The following KIAA1217 variants were observed in gnomAD, a reference collection of about 807,000 sequenced individuals.
KIAA1217 encodes the protein sickle tail protein homolog.
Under a neutral mutation model 163.9 loss-of-function variants are expected in KIAA1217, and 88 were observed. The observed-to-expected ratio is 0.54, with a 90% CI of 0.45 to 0.64. The LOEUF (loss-of-function observed/expected upper bound fraction) is 0.64, where lower values mean the gene tolerates loss of function less well. Among genes scored for constraint, KIAA1217 ranks in the 30% least tolerant of loss-of-function variants. The pLI, the probability that KIAA1217 is intolerant of heterozygous loss-of-function variation, is 0.00. For missense variants in KIAA1217, 2,372 were observed against 2,475.0 expected (o/e 0.96, Z 0.88); for synonymous variants, 903 against 923.1 (o/e 0.98, Z 0.39).
At chr10:24,281,549 G>C (rs903591266) in intron 2 of KIAA1217, among the ~76,000 whole-genome samples, 1 of 152,134 alleles carries the variant, frequency 6.6e-6, no homozygotes, top group Non-Finnish European at 1.5e-5. Context: ...GGTAAGATCT[G>C]TTCCTTAGGC....
intron 1 of KIAA1217, among the ~76,000 whole-genome samples, chr10:23,851,123 A>G (rs1206949081): frequency 6.6e-6 from 1 of 152,106 alleles, no homozygotes; most frequent in Non-Finnish European, 1.5e-5. Flanking sequence ...TTGACTCGTC[A>G]TTTAGCATTA....
At chr10:23,814,117 A>G (rs758597787) in intron 1 of KIAA1217, among the ~76,000 whole-genome samples, 2 of 152,156 alleles carry the variant, frequency 1.3e-5, no homozygotes, top group African/African-American at 2.4e-5. Context: ...GGAGCCCCCA[A>G]AAAATTATCT....
At chr10:24,191,550 C>T (rs2066718531) in intron 2 of KIAA1217, among the ~76,000 whole-genome samples, 1 of 148,142 alleles carries the variant, frequency 6.8e-6, no homozygotes, top group Admixed American at 6.7e-5. Context: ...CATGTACCCA[C>T]AAATATATAT....
At chr10:24,366,217 G>A (rs893292362) in intron 2 of KIAA1217, among the ~76,000 whole-genome samples, 1 of 152,154 alleles carries the variant, frequency 6.6e-6, no homozygotes, top group Non-Finnish European at 1.5e-5. Flanking sequence ...GGCCGAAGCA[G>A]GCAGATCACT....
At chr10:24,183,124 CAT>C (rs1263314772) in intron 2 of KIAA1217, among the ~76,000 whole-genome samples, 2 of 152,236 alleles carry the variant, frequency 1.3e-5, no homozygotes, top group African/African-American at 4.8e-5. Context: ...TCTTTTCACA[CAT>C]GTCTGCTTCA....
chr10:23,811,203 T>C (rs1421294707), intron 1 of KIAA1217, among the ~76,000 whole-genome samples: 1 of 142,532 alleles, frequency 7.0e-6, no homozygotes, highest in Admixed American at 7.3e-5. Context: ...ATACTATGTA[T>C]ATAGTATAAT....
At chr10:23,853,510 A>G (rs981890578) in intron 1 of KIAA1217, among the ~76,000 whole-genome samples, 6 of 152,184 alleles carry the variant, frequency 3.9e-5, no homozygotes, top group African/African-American at 1.2e-4. Flanking sequence ...CTTTGGTATC[A>G]GGATGATGCT....
At chr10:23,938,693 G>A (rs1322626466) in intron 1 of KIAA1217, among the ~76,000 whole-genome samples, 1 of 151,966 alleles carries the variant, frequency 6.6e-6, no homozygotes, top group Admixed American at 6.6e-5. Flanking sequence ...ATGTGCCTCG[G>A]TTATGTGCAA....
intron 1 of KIAA1217, among the ~76,000 whole-genome samples, chr10:23,932,943 T>C (rs1843317523): frequency 6.6e-6 from 1 of 152,240 alleles, no homozygotes; most frequent in African/African-American, 2.4e-5. Context: ...CCCTTGTTTT[T>C]AGGTTGTTGC....
intron 1 of KIAA1217, among the ~76,000 whole-genome samples, chr10:23,900,130 T>C (rs1841893826): frequency 6.6e-6 from 1 of 151,842 alleles, no homozygotes; most frequent in African/African-American, 2.4e-5. Flanking sequence ...CTCAGCCTCC[T>C]GAGTAGCTGG....
chr10:24,177,385 G>GTA (rs2065962410), intron 2 of KIAA1217, among the ~76,000 whole-genome samples: 1 of 145,556 alleles, frequency 6.9e-6, no homozygotes, highest in South Asian at 2.2e-4. Flanking sequence ...ATATATGTGT[G>GTA]TGTCTCACAA....
At chr10:24,061,138 C>T (rs1301999372) in intron 2 of KIAA1217, among the ~76,000 whole-genome samples, 2 of 151,964 alleles carry the variant, frequency 1.3e-5, no homozygotes, top group Non-Finnish European at 2.9e-5. Context: ...TGATTCCATT[C>T]TATTTTTCTT....
At chr10:23,808,596 T>C (rs912550612) in intron 1 of KIAA1217, among the ~76,000 whole-genome samples, 1 of 151,080 alleles carries the variant, frequency 6.6e-6, no homozygotes, top group Non-Finnish European at 1.5e-5. Context: ...AAAAAAAGGG[T>C]GAACTGGAAT....
At chr10:24,506,694 G>A (rs943873409) in intron 9 of KIAA1217, among the ~76,000 whole-genome samples, 1 of 152,126 alleles carries the variant, frequency 6.6e-6, no homozygotes, top group Non-Finnish European at 1.5e-5. Flanking sequence ...GAGAATGGGG[G>A]GAAAAAACCT....
chr10:23,714,181 G>T (rs568620010), intron 1 of KIAA1217, among the ~76,000 whole-genome samples: 4 of 151,940 alleles, frequency 2.6e-5, no homozygotes, highest in East Asian at 1.9e-4. Context: ...CCCCTTCCCC[G>T]CTATCCTGTT....
At chr10:23,905,317 C>A (rs1307630360) in intron 1 of KIAA1217, among the ~76,000 whole-genome samples, 1 of 151,902 alleles carries the variant, frequency 6.6e-6, no homozygotes, top group Non-Finnish European at 1.5e-5. Context: ...CTGCAAGTCT[C>A]CCCACTCACA....
At chr10:24,382,939 C>G (rs2053517424) in intron 3 of KIAA1217, among the ~76,000 whole-genome samples, 1 of 150,590 alleles carries the variant, frequency 6.6e-6, no homozygotes, top group South Asian at 2.2e-4. Context: ...CCTCGACTTC[C>G]CACGTTCAAG....
chr10:24,005,971 G>A (rs1589223952), intron 1 of KIAA1217, among the ~76,000 whole-genome samples: 2 of 152,130 alleles, frequency 1.3e-5, no homozygotes, highest in East Asian at 1.9e-4. Context: ...TAAAGAAACA[G>A]CCCAGAAATC....
At chr10:24,307,868 G>A (rs988929645) in intron 2 of KIAA1217, among the ~76,000 whole-genome samples, 3 of 152,180 alleles carry the variant, frequency 2.0e-5, no homozygotes, top group Non-Finnish European at 4.4e-5. Flanking sequence ...CATTGTGGAG[G>A]CAAAACTCCC....
Sources: allele counts gnomAD v4.1 joint callset (sites outside exome capture counted in the v4.1 genomes callset), GRCh38; gene constraint gnomAD v4.1.1; transcripts MANE v1.5; gene names NCBI Gene and HGNC (gene_info 2026-07-23, HGNC 2026-07-21).